MYH13: variants seen among roughly 807,000 people sequenced by gnomAD.
MYH13 encodes myosin-13.
In MYH13, 177 loss-of-function variants were observed where a neutral mutation model predicts 232.1. The observed-to-expected ratio is 0.76, with a 90% CI of 0.67 to 0.86. The LOEUF is 0.86. Among genes scored for constraint, MYH13 ranks in the 40% least tolerant of loss-of-function variants. MYH13 has a pLI of 0.00. For missense variants in MYH13, 2,246 were observed against 2,405.9 expected (o/e 0.93, Z 1.39); for synonymous variants, 884 against 923.5 (o/e 0.96, Z 0.78).
intron 22 of MYH13, chr17:10,324,871 T>C (rs1907148369): frequency 6.7e-6 from 1 of 149,738 alleles, no homozygotes; most frequent in African/African-American, 2.5e-5. Flanking sequence ...TTGCCCAAGC[T>C]AAAGTGCAGT....
intron 27 of MYH13, chr17:10,317,671 G>C (rs1249667681): frequency 3.9e-5 from 6 of 152,252 alleles, no homozygotes; most frequent in Non-Finnish European, 7.3e-5. Flanking sequence ...TCTTTGCTTT[G>C]AGGCCATGCA....
intron 37 of MYH13, 46 bp from the exon 38 acceptor site, chr17:10,303,544 G>C (rs749628632): frequency 6.5e-7 from 1 of 1,549,418 alleles, no homozygotes; most frequent in African/African-American, 1.4e-5. Flanking sequence ...CCTCTCCCAG[G>C]CTTCTCTCAT....
chr17:10,303,691 T>C (rs1341120322), intron 37 of MYH13, among the ~76,000 whole-genome samples, 193 bp from the exon 38 acceptor site: 1 of 152,188 alleles, frequency 6.6e-6, no homozygotes, highest in Non-Finnish European at 1.5e-5. Context: ...GTAAATTAGT[T>C]CAACCATTGT....
rs376976583 is a variant in MYH13, at chr17:10,301,606, T to A, written c.5765A>T (p.Asn1922Ile). 4 of 1,614,206 alleles carry A rather than the reference T, an allele frequency of 2.5e-6. No homozygotes were observed. The highest frequency in any genetic ancestry group is 3.4e-6 in the Non-Finnish European group (4 of 1,180,032). The stretch of plus-strand genomic sequence containing the variant: ...GTCTCGGCTCTTGGCCCTCAGCTTG[T>A]TGACCTGGGACTCAGCGATGTCCGC... ...ERADIAESQV[N>I]KLRAKSRDVG... The change falls in exon 40 of 41, where the codon AAC becomes ATC. Residue 1922 changes from asparagine (N) to isoleucine (I), a missense_variant. Coordinates refer to ENST00000252172, the MANE Select transcript of MYH13 (RefSeq NM_003802.3).
chr17:10,309,945 A>ATT, intron 33 of MYH13, 115 bp from the exon 34 acceptor site: 6 of 937,100 alleles, frequency 6.4e-6, no homozygotes, highest in South Asian at 2.7e-5. Context: ...ATTAAATTTA[A>ATT]ATTTTTTTTT....
At chr17:10,323,787 A>AAG (rs60692569) in intron 23 of MYH13, among the ~76,000 whole-genome samples, 5 of 66,744 alleles carry the variant, frequency 7.5e-5, no homozygotes, top group African/African-American at 1.9e-4. Flanking sequence ...AAAAAAAAAA[A>AAG]AAGAAGAAGA....
chr17:10,301,649 C>T lies in MYH13; in HGVS notation c.5722G>A (p.Glu1908Lys). Residue 1908 changes from glutamate (E) to lysine (K), a missense_variant, in exon 40 of 41, where the codon GAG becomes AAG. Glu to Lys is a moderately conservative substitution (Grantham distance 56). Transcript: ENST00000252172. ...ATGTCCGCCCTCTCCGCGGCCTCCT[C>T]TAGCTCATGCTGGACTCTCCGGCAT... ...SRCRRVQHEL[E>K]EAAERADIAE... is the part of the protein sequence containing the mutation. The T allele has an allele frequency of 6.2e-7, 1 of 1,614,198 alleles. No homozygotes were observed. The highest frequency in any genetic ancestry group is 8.5e-7 in the Non-Finnish European group (1 of 1,180,042).
chr17:10,360,143 C>T lies in MYH13; in HGVS notation c.533+18G>A. On this transcript the variant is annotated intron_variant, in intron 6 of 40. Transcript: ENST00000252172. ...CACTGGTTTCCAAGTCATGATGGTA[C>T]AAAGAGGTGTTACTCACGTGATGAG... is the stretch of plus-strand genomic sequence containing the variant. 1 of 1,614,036 alleles carries T rather than the reference C, an allele frequency of 6.2e-7. No homozygotes were observed. The highest frequency in any genetic ancestry group is 8.5e-7 in the Non-Finnish European group (1 of 1,179,986).
intron 16 of MYH13, chr17:10,341,020 T>TC (rs1347012800): frequency 6.6e-6 from 1 of 151,426 alleles, no homozygotes; most frequent in Non-Finnish European, 1.5e-5. Flanking sequence ...GTAGTTTCTT[T>TC]TTTTTTTTCA....
chr17:10,340,240 G>C lies in MYH13; in HGVS notation c.1969-3C>G. ...GTCATCAATTTGTTTAAATTTTCCT[G>C]GGACATAAACCAAAACAAGCACATT... On this transcript the variant is annotated splice_region_variant and splice_polypyrimidine_tract_variant and intron_variant, in intron 17 of 40. Coordinates refer to ENST00000252172, the MANE Select transcript of MYH13 (RefSeq NM_003802.3). 6.2e-7 allele frequency: 1 copy of C among 1,613,808 alleles called. No homozygotes were observed. Among genetic ancestry groups the C allele is most frequent in the Non-Finnish European group, 8.5e-7 (1 of 1,179,778 alleles).
At chr17:10,347,867 A>G (rs987465101) in intron 12 of MYH13, among the ~76,000 whole-genome samples, 1 of 151,386 alleles carries the variant, frequency 6.6e-6, no homozygotes, top group African/African-American at 2.4e-5. Flanking sequence ...ACAGGCACCC[A>G]CCACCAGGCC....
At position 10,304,955 on chromosome 17, in the gene MYH13, C is replaced by T. The variant is rs1475034302; in HGVS notation, c.5467-1457G>A. Among the ~76,000 whole-genome samples, 1 of 152,134 alleles carries T rather than the reference C, an allele frequency of 6.6e-6. No homozygotes were observed. The highest frequency in any genetic ancestry group is 1.5e-5 in the Non-Finnish European group (1 of 68,018). ...TCCACTCCACTGGGAATCCCAGTGG[C>T]TGCAGAGCAGGGCCAACTCTGGGCT... is the stretch of plus-strand genomic sequence containing the variant. On this transcript the variant is annotated intron_variant, in intron 37 of 40. Coordinates refer to ENST00000252172, the MANE Select transcript of MYH13 (RefSeq NM_003802.3). This position sits in a 1 kb window ranked among gnomAD's most constrained non-coding sequence, Gnocchi z 5.3.
chr17:10,334,934 T>A (rs1425724659), intron 18 of MYH13, among the ~76,000 whole-genome samples: 1 of 152,050 alleles, frequency 6.6e-6, no homozygotes, highest in African/African-American at 2.4e-5. Context: ...GAACCGCCGA[T>A]GTGGAGAGAA....
chr17:10,307,411 C>T (rs537932572), intron 35 of MYH13, among the ~76,000 whole-genome samples: 2 of 151,986 alleles, frequency 1.3e-5, no homozygotes, highest in Non-Finnish European at 2.9e-5. Context: ...TCAAAATATG[C>T]CATAAATAGA....
intron 18 of MYH13, among the ~76,000 whole-genome samples, chr17:10,333,696 C>T (rs1344925380): frequency 5.3e-5 from 8 of 152,184 alleles, no homozygotes; most frequent in Non-Finnish European, 8.8e-5. Flanking sequence ...CGCCTGAGGT[C>T]AGGAGCTCGA....
intron 5 of MYH13, among the ~76,000 whole-genome samples, chr17:10,360,559 T>C (rs2071783709): frequency 1.3e-5 from 2 of 152,224 alleles, no homozygotes; most frequent in African/African-American, 4.8e-5. Context: ...TCAGCATTTA[T>C]AGATGCTGGT....
chr17:10,363,315 CAA>C (rs11390504), intron 3 of MYH13, among the ~76,000 whole-genome samples: 198 of 91,758 alleles, frequency 2.2e-3, no homozygotes, highest in African/African-American at 8.6e-3. Context: ...GACTCCGTCT[CAA>C]AAAAAAAAAA....
chr17:10,302,265 C>G (rs1483034299), intron 39 of MYH13, among the ~76,000 whole-genome samples: 1 of 152,078 alleles, frequency 6.6e-6, no homozygotes, highest in Non-Finnish European at 1.5e-5. Flanking sequence ...ATTGAACCAA[C>G]CAGGCTCCAG....
At position 10,309,746 on chromosome 17, in the gene MYH13, TGA is replaced by T; in HGVS notation, c.4739_4740del (p.Val1580AspfsTer2). On this transcript the variant is annotated frameshift_variant, in exon 34 of 41. Coordinates refer to ENST00000252172, the MANE Select transcript of MYH13 (RefSeq NM_003802.3). LOFTEE classifies it high-confidence loss of function. ...SQVKSELDRK[V>X]IEKDEEIEQL... ...TGCTCGATTTCTTCATCCTTCTCAA[TGA>T]CCTTGCGGTCTAGCTCGGATTTCAC... is the stretch of plus-strand genomic sequence containing the variant. 1 of 1,602,358 alleles carries T rather than the reference TGA, an allele frequency of 6.2e-7. No homozygotes were observed. Among genetic ancestry groups the T allele is most frequent in the African/African-American group, 1.3e-5 (1 of 74,894 alleles).
Sources: allele counts gnomAD v4.1 joint callset (sites outside exome capture counted in the v4.1 genomes callset), GRCh38; gene constraint gnomAD v4.1.1; non-coding constraint Gnocchi (gnomAD v3.1); transcripts MANE v1.5; gene names NCBI Gene and HGNC (gene_info 2026-07-23, HGNC 2026-07-21).